The following TSC22D2 variants were observed in gnomAD, a reference collection of about 807,000 sequenced individuals.
The protein encoded by TSC22D2 is TSC22 domain family protein 2.
A neutral mutation model predicts 50.1 loss-of-function variants in TSC22D2; 5 were observed. The observed-to-expected ratio is 0.10, with a 90% confidence interval of 0.05 to 0.21. The LOEUF is 0.21. Ranked by LOEUF, TSC22D2 falls within the 10% of genes least tolerant of loss-of-function variation. The probability of loss-of-function intolerance (pLI) is 1.00; values close to 1 mark genes in which losing one functional copy is unlikely to be tolerated. For missense variants in TSC22D2, 1,003 were observed against 1,015.5 expected (o/e 0.99, Z 0.17); for synonymous variants, 501 against 450.1 (o/e 1.11, Z -1.43).
Position 150,453,689 on chromosome 3 carries a change from G to A in TSC22D2, c.1959-3387G>A, listed in dbSNP as rs80260565. ...TTCTGGTTCAGGGACTACACTTTGAGAACTGATTTATCTGAACTCAAAAAA... is the reference window on the plus strand; with the variant it reads ...TTCTGGTTCAGGGACTACACTTTGAAAACTGATTTATCTGAACTCAAAAAA... On this transcript the variant is annotated intron_variant, in intron 1 of 2. Transcript: ENST00000688009. Among the ~76,000 whole-genome samples the A allele has an allele frequency of 3.8e-3, 574 of 152,256 alleles. 15 individuals are homozygous for A. In the East Asian group the frequency reaches 0.05, roughly 13 times the overall value.
intron 1 of TSC22D2, among the ~76,000 whole-genome samples, chr3:150,443,501 T>C (rs892483929): frequency 9.2e-5 from 14 of 152,346 alleles, no homozygotes; most frequent in Middle Eastern, 3.4e-3. Context: ...TCTCTACTTA[T>C]TGATTCTAGT....
chr3:150,452,338 G>A (rs895018842), intron 1 of TSC22D2, among the ~76,000 whole-genome samples: 2 of 151,930 alleles, frequency 1.3e-5, no homozygotes, highest in East Asian at 1.9e-4. Context: ...CCAGCTACTC[G>A]GGAGGCCGAG....
chr3:150,448,230 A>G (rs565414290), intron 1 of TSC22D2, among the ~76,000 whole-genome samples: 106 of 151,466 alleles, frequency 7.0e-4, no homozygotes, highest in African/African-American at 2.4e-3. Context: ...AATCCTAGCT[A>G]CTCAGGAGGC....
chr3:150,418,657 G>A (rs1719904393), intron 1 of TSC22D2, among the ~76,000 whole-genome samples: 2 of 151,804 alleles, frequency 1.3e-5, no homozygotes, highest in African/African-American at 4.8e-5. Context: ...ATAATGATGT[G>A]AAAGAGTGAG....
chr3:150,441,053 A>AAT (rs940074512), intron 1 of TSC22D2, among the ~76,000 whole-genome samples: 1 of 148,832 alleles, frequency 6.7e-6, no homozygotes, highest in Admixed American at 6.7e-5. Flanking sequence ...TATATTAAAA[A>AAT]ATATATATAT....
At position 150,409,680 on chromosome 3, in the gene TSC22D2, C is replaced by T. The variant is rs1246352348; in HGVS notation, c.330C>T (p.Ala110=). The change falls in exon 1 of 3, where the codon GCC becomes GCT. Residue 110 remains alanine (A), a synonymous_variant. Transcript: ENST00000688009. This position sits in a 1 kb window ranked among gnomAD's most constrained non-coding sequence, Gnocchi z 7.4. ...APANGGGVVS[A]RSVSGALAST... ...CCAACGGAGGAGGAGTCGTTTCGGC[C>T]CGGAGCGTGTCTGGGGCGCTCGCCA... is the stretch of plus-strand genomic sequence containing the variant. 3.1e-6 allele frequency: 5 copies of T among 1,592,714 alleles called. No homozygotes were observed. Among genetic ancestry groups the T allele is most frequent in the Non-Finnish European group, 4.3e-6 (5 of 1,170,366 alleles).
chr3:150,410,011 A>C lies in TSC22D2; in HGVS notation c.661A>C (p.Thr221Pro). Residue 221 changes from threonine to proline, a missense_variant, in exon 1 of 3, where the codon ACC becomes CCC. Thr to Pro is a conservative substitution (Grantham distance 38, BLOSUM62 -1). This residue lies in a region of TSC22D2 where 696 missense variants were observed against 647.8 expected (regional missense o/e 1.07). Transcript: ENST00000688009. ...GGAGCGGGACAGCGGCCTGGGCGCC[A>C]CCGGAGGGTCGGTGGTGGTAGTAGT... ...TAERDSGLGA[T>P]GGSVVVVVAS... 1 of 1,613,506 alleles carries C rather than the reference A, an allele frequency of 6.2e-7. No homozygotes were observed. The highest frequency in any genetic ancestry group is 8.5e-7 in the Non-Finnish European group (1 of 1,180,004).
chr3:150,443,958 A>G (rs1720797848), intron 1 of TSC22D2, among the ~76,000 whole-genome samples: 2 of 152,240 alleles, frequency 1.3e-5, no homozygotes, highest in Admixed American at 6.5e-5. Flanking sequence ...TGATCAGTAT[A>G]TGGAGTTACC....
intron 1 of TSC22D2, among the ~76,000 whole-genome samples, chr3:150,426,168 G>A (rs1008578447): frequency 2.6e-5 from 4 of 152,264 alleles, no homozygotes; most frequent in African/African-American, 7.2e-5. Context: ...AACCCTTTCT[G>A]CAGTAGCCCA....
At chr3:150,430,108 A>C (rs1221923041) in intron 1 of TSC22D2, among the ~76,000 whole-genome samples, 1 of 152,142 alleles carries the variant, frequency 6.6e-6, no homozygotes, top group Non-Finnish European at 1.5e-5. Context: ...TATAAAATGT[A>C]AGCACTTCAT....
At position 150,465,149 on chromosome 3, in the gene TSC22D2, T is replaced by C. The variant is rs1180622433; in HGVS notation, c.*6513T>C. 6.6e-6 allele frequency: 1 copy of C among 152,196 alleles called. No individual in the cohort carries two copies. Among genetic ancestry groups the C allele is most frequent in the East Asian group, 1.9e-4 (1 of 5,196 alleles). 9.4% of individuals were successfully genotyped at this position (152,196 alleles called of 1,614,324 possible). ...AATAGTATGGGATAGCATAACAATT[T>C]AGAAGAAATATAAAGTTAGATCTTT... On this transcript the variant is annotated 3_prime_UTR_variant, in exon 3 of 3. Transcript: ENST00000688009.
rs540239048 is a variant in TSC22D2, at chr3:150,452,456, A to AAG, written c.1959-4610_1959-4609dup. Among the ~76,000 whole-genome samples, 1,398 of 152,142 alleles carry AAG rather than the reference A, an allele frequency of 9.2e-3. 16 individuals carry two copies. Among genetic ancestry groups the AAG allele is most frequent in the African/African-American group, 0.032 (1,314 of 41,468 alleles). On this transcript the variant is annotated intron_variant, in intron 1 of 2. Transcript: ENST00000688009. The stretch of plus-strand genomic sequence containing the variant: ...GTGAAACTCTGTCTCAAAAAAAAAA[A>AAG]AGAGAGAGAGATTAAATTAGATTAC...
intron 1 of TSC22D2, among the ~76,000 whole-genome samples, chr3:150,433,911 C>A (rs1468960493): frequency 6.6e-6 from 1 of 151,930 alleles, no homozygotes; most frequent in Non-Finnish European, 1.5e-5. Flanking sequence ...CTCATCTCTA[C>A]AAAAAACACA....
rs1260259927 is a variant in TSC22D2 at position 150,466,154 on chromosome 3, C to T, written c.*7518C>T. 1.3e-5 allele frequency: 2 copies of T among 151,270 alleles called. No individual in the cohort carries two copies. Among genetic ancestry groups the T allele is most frequent in the African/African-American group, 4.9e-5 (2 of 41,066 alleles). The allele number at this position is 151,270 out of a possible 1,614,324, so 9.4% of individuals were successfully genotyped here. On this transcript the variant is annotated 3_prime_UTR_variant, in exon 3 of 3. Transcript: ENST00000688009. ...TTGGGGGAAAAATTGAAAGACAATA[C>T]CTGTAATACATATGATACTAGTGAT...
At position 150,458,379 on chromosome 3, in the gene TSC22D2, C is replaced by A; in HGVS notation, c.2014C>A (p.Leu672Met). ...IDNKIEQAMD[L>M]VKSHLMYAVR... is the part of the protein sequence containing the mutation. ...TTCCTAATTTTGTTTTTCACAGGAT[C>A]TGGTGAAAAGCCATTTGATGTATGC... Residue 672 changes from leucine to methionine, a missense_variant, in exon 3 of 3, where the codon CTG becomes ATG. Coordinates refer to ENST00000688009, the MANE Select transcript of TSC22D2 (RefSeq NM_001303264.2). 1 of 1,610,926 alleles carries A rather than the reference C, an allele frequency of 6.2e-7. No homozygotes were observed. The highest frequency in any genetic ancestry group is 8.5e-7 in the Non-Finnish European group (1 of 1,178,386).
Position 150,410,448 on chromosome 3 carries a change from C to T in TSC22D2, c.1098C>T (p.Pro366=), listed in dbSNP as rs947325011. 1.9e-6 allele frequency: 3 copies of T among 1,609,256 alleles called. No individual in the cohort carries two copies. The highest frequency in any genetic ancestry group is 1.1e-5 in the South Asian group (1 of 90,594). The change falls in exon 1 of 3, where the codon CCC becomes CCT. Residue 366 remains proline, a synonymous_variant. Coordinates refer to ENST00000688009, the MANE Select transcript of TSC22D2 (RefSeq NM_001303264.2). ...QFAYPQPQIP[P]GHLLPVQPSG... The stretch of plus-strand genomic sequence containing the variant: ...CGTATCCTCAGCCTCAGATACCGCC[C>T]GGACATTTGCTGCCCGTCCAGCCCT...
At chr3:150,433,483 T>C (rs1720442448) in intron 1 of TSC22D2, among the ~76,000 whole-genome samples, 1 of 152,248 alleles carries the variant, frequency 6.6e-6, no homozygotes, top group African/African-American at 2.4e-5. Context: ...TCTTTCTGCA[T>C]ATCTGCCTGG....
At position 150,409,709 on chromosome 3, in the gene TSC22D2, C is replaced by A. The variant is rs771761089; in HGVS notation, c.359C>A (p.Thr120Asn). 6.3e-7 allele frequency: 1 copy of A among 1,591,442 alleles called. No individual in the cohort carries two copies. The highest frequency in any genetic ancestry group is 1.1e-5 in the South Asian group (1 of 89,990). The change falls in exon 1 of 3, where the codon ACC becomes AAC. Residue 120 changes from threonine (T) to asparagine (N), a missense_variant. This residue lies in a region of TSC22D2 where 200 missense variants were observed against 182.8 expected (regional missense o/e 1.09). Transcript: ENST00000688009. This position sits in a 1 kb window ranked among gnomAD's most constrained non-coding sequence, Gnocchi z 7.4. The stretch of plus-strand genomic sequence containing the variant: ...AGCGTGTCTGGGGCGCTCGCCAGTA[C>A]CCTGGCGGCGGCTGCCACTTCGGCC... Reference protein sequence around the residue: ...ARSVSGALASTLAAAATSAPA... With the variant: ...ARSVSGALASNLAAAATSAPA...
At position 150,409,555 on chromosome 3, in the gene TSC22D2, G is replaced by A. The variant is rs1719417987; in HGVS notation, c.205G>A (p.Glu69Lys). 2 of 1,602,970 alleles carry A rather than the reference G, an allele frequency of 1.2e-6. No homozygotes were observed. Among genetic ancestry groups the A allele is most frequent in the Non-Finnish European group, 1.7e-6 (2 of 1,171,354 alleles). The change falls in exon 1 of 3, where the codon GAA becomes AAA. Residue 69 changes from glutamate to lysine, a missense_variant. Glu to Lys is a moderately conservative substitution (Grantham distance 56). Transcript: ENST00000688009. This position sits in a 1 kb window ranked among gnomAD's most constrained non-coding sequence, Gnocchi z 7.4. ...GGAGGTCTGCGAGCGCAGCTCTTCCGAAGAGACGCTTAACAATGTTGGGGA... is the reference window on the plus strand; with the variant it reads ...GGAGGTCTGCGAGCGCAGCTCTTCCAAAGAGACGCTTAACAATGTTGGGGA... ...PEEVCERSSS[E>K]ETLNNVGDAE... is the part of the protein sequence containing the mutation.
Sources: gnomAD v4.1 joint callset for allele counts (sites outside exome capture counted in the v4.1 genomes callset) on GRCh38, gnomAD v4.1.1 for gene constraint, gnomAD v4.1.1 regional missense constraint, Gnocchi (gnomAD v3.1) non-coding constraint, MANE v1.5 for transcripts, NCBI Gene and HGNC (gene_info 2026-07-23, HGNC 2026-07-21) for gene names.